The following GLIS3 variants were observed in gnomAD, a reference collection of about 807,000 sequenced individuals.
GLIS3 encodes the protein GLIS family zinc finger 3, also known as zinc finger protein GLIS3.
Under a neutral mutation model 78.6 loss-of-function variants are expected in GLIS3, and 53 were observed. The ratio of observed to expected loss-of-function variants is 0.67; its 90% CI spans 0.54 to 0.85. The LOEUF (loss-of-function observed/expected upper bound fraction) is 0.85. Ranked by LOEUF, GLIS3 falls within the 40% of genes least tolerant of loss-of-function variation. GLIS3 has a pLI of 0.00. For synonymous variants in GLIS3, 684 were observed against 509.9 expected, an observed-to-expected ratio of 1.34 and a Z score of -4.60; for missense variants, 1,703 against 1,231.1, an observed-to-expected ratio of 1.38 and a Z score of -5.74.
At chr9:4,054,212 C>A (rs1261889789) in intron 4 of GLIS3, 8 of 519,072 alleles carry the variant, frequency 1.5e-5, no homozygotes, top group Non-Finnish European at 2.0e-5. Flanking sequence ...CCACACTCAC[C>A]AGCAGAACAT....
chr9:4,300,289 C>T (rs1028491064), upstream of GLIS3, among the ~76,000 whole-genome samples: 2 of 151,988 alleles, frequency 1.3e-5, no homozygotes, highest in Non-Finnish European at 2.9e-5. Flanking sequence ...AACAGGGTAA[C>T]AGCAGGGAGA....
rs79616671 is a variant in GLIS3, at chr9:4,015,982, A to G, written c.1711-78793T>C. ...AATAGGAATTTGGTAAATACTGTAT[A>G]GCTAATAAATTGTCTCAATTATACA... On this transcript the variant is annotated intron_variant, in intron 4 of 10. Coordinates refer to ENST00000381971, the MANE Select transcript of GLIS3 (RefSeq NM_001042413.2). 6.6e-5 allele frequency among the ~76,000 whole-genome samples: 10 copies of G among 152,116 alleles called. 1 individual carries two copies. Among genetic ancestry groups the G allele is most frequent in the African/African-American group, 2.2e-4 (9 of 41,476 alleles).
At chr9:3,920,439 G>A (rs985892794) in intron 6 of GLIS3, among the ~76,000 whole-genome samples, 7 of 152,038 alleles carry the variant, frequency 4.6e-5, no homozygotes, top group African/African-American at 1.7e-4. Context: ...TATTCTATGG[G>A]GAAGGGAAAT....
intron 8 of GLIS3, among the ~76,000 whole-genome samples, chr9:3,867,505 T>C: frequency 6.6e-6 from 1 of 152,240 alleles, no homozygotes; most frequent in Non-Finnish European, 1.5e-5. Context: ...AAAGACTGGC[T>C]GGCCATTCTA....
the GLIS3 span, among the ~76,000 whole-genome samples, chr9:4,453,108 T>C: frequency 9.2e-5 from 14 of 152,144 alleles, no homozygotes; most frequent in Admixed American, 5.2e-4. Flanking sequence ...TGACTAGCCA[T>C]ATGTAGAAAG....
At chr9:4,421,053 G>A in the GLIS3 span, among the ~76,000 whole-genome samples, 1 of 152,132 alleles carries the variant, frequency 6.6e-6, no homozygotes, top group Non-Finnish European at 1.5e-5. Context: ...TTTTTCTGAG[G>A]CATTGAATAG....
intron 4 of GLIS3, among the ~76,000 whole-genome samples, chr9:4,107,235 T>C (rs1394213498): frequency 1.3e-5 from 2 of 152,110 alleles, no homozygotes; most frequent in Admixed American, 1.3e-4. Context: ...GCACTTCTAG[T>C]TCCTTGTGGC....
chr9:4,444,358 T>G, the GLIS3 span, among the ~76,000 whole-genome samples: 20 of 152,368 alleles, frequency 1.3e-4, no homozygotes, highest in Admixed American at 1.2e-3. Flanking sequence ...TGTAATCACA[T>G]GCTAAGTTTA....
chr9:4,279,324 T>TATATACACAC (rs1234969923), intron 2 of GLIS3, among the ~76,000 whole-genome samples: 1 of 84,926 alleles, frequency 1.2e-5, no homozygotes, highest in African/African-American at 4.7e-5. Context: ...AATATATATA[T>TATATACACAC]ACACACACAC....
chr9:4,170,469 C>G (rs901136293), intron 2 of GLIS3, among the ~76,000 whole-genome samples: 85 of 152,164 alleles, frequency 5.6e-4, no homozygotes, highest in African/African-American at 1.9e-3. Flanking sequence ...AATGCCCTCC[C>G]AGCTCTATGG....
the GLIS3 span, among the ~76,000 whole-genome samples, chr9:4,386,170 A>G: frequency 6.6e-6 from 1 of 152,174 alleles, no homozygotes; most frequent in East Asian, 1.9e-4. Context: ...GAGAGAATAA[A>G]AACAGAATCT....
the GLIS3 span, among the ~76,000 whole-genome samples, chr9:4,405,153 G>A: frequency 6.6e-6 from 1 of 152,022 alleles, no homozygotes; most frequent in African/African-American, 2.4e-5. Flanking sequence ...TTGGGAGTTC[G>A]AGATCAACCT....
chr9:4,353,847 A>C, the GLIS3 span, among the ~76,000 whole-genome samples: 3 of 152,314 alleles, frequency 2.0e-5, no homozygotes, highest in African/African-American at 7.2e-5. Context: ...TCTCCTCTGA[A>C]GAACTGCAGG....
the GLIS3 span, among the ~76,000 whole-genome samples, chr9:4,405,145 G>A: frequency 3.9e-5 from 6 of 151,906 alleles, no homozygotes; most frequent in Admixed American, 3.3e-4. Context: ...ACCTGAGGTT[G>A]GGAGTTCGAG....
the GLIS3 span, among the ~76,000 whole-genome samples, chr9:4,390,041 T>C: frequency 1.9e-4 from 29 of 152,228 alleles, no homozygotes; most frequent in African/African-American, 4.6e-4. Flanking sequence ...TGTGCTGCAA[T>C]GGGCTAAAAC....
intron 1 of GLIS3, among the ~76,000 whole-genome samples, chr9:4,347,715 T>C (rs1380322631): frequency 7.9e-5 from 12 of 152,172 alleles, no homozygotes; most frequent in Non-Finnish European, 8.8e-5. Flanking sequence ...TTTGTTTGTT[T>C]TTGGTTTGGT....
At chr9:4,109,977 C>G (rs1447309749) in intron 4 of GLIS3, among the ~76,000 whole-genome samples, 1 of 152,158 alleles carries the variant, frequency 6.6e-6, no homozygotes, top group African/African-American at 2.4e-5. Flanking sequence ...CTAGTTTTCC[C>G]ATTAAAAGTT....
intron 7 of GLIS3, among the ~76,000 whole-genome samples, chr9:3,897,988 A>T (rs1047046456): frequency 3.3e-5 from 5 of 152,198 alleles, no homozygotes; most frequent in Non-Finnish European, 7.3e-5. Flanking sequence ...AGTGTTCCAT[A>T]TGTAAGGACA....
chr9:4,248,843 T>G (rs960546668), intron 2 of GLIS3, among the ~76,000 whole-genome samples: 1 of 152,188 alleles, frequency 6.6e-6, no homozygotes, highest in African/African-American at 2.4e-5. Context: ...TGACCAGTGA[T>G]GATGACATTT....
Sources: gnomAD v4.1 joint callset for allele counts (sites outside exome capture counted in the v4.1 genomes callset) on GRCh38, gnomAD v4.1.1 for gene constraint, MANE v1.5 for transcripts, NCBI Gene and HGNC (gene_info 2026-07-23, HGNC 2026-07-21) for gene names.